The following PRKN variants were observed in gnomAD, a reference collection of about 807,000 sequenced individuals.
The protein encoded by PRKN is E3 ubiquitin-protein ligase parkin.
A neutral mutation model predicts 59.5 loss-of-function variants in PRKN; 56 were observed. That is an observed-to-expected ratio of 0.94 (90% CI 0.76 to 1.18). The LOEUF (loss-of-function observed/expected upper bound fraction) is 1.18. PRKN is among the 50% of genes most tolerant of loss of function. The pLI, the probability that PRKN is intolerant of heterozygous loss-of-function variation, is 0.00. For missense variants in PRKN, 657 were observed against 596.4 expected, an observed-to-expected ratio of 1.10 and a Z score of -1.06; for synonymous variants, 250 against 222.1, an observed-to-expected ratio of 1.13 and a Z score of -1.12.
chr6:162,360,266 C>A (rs926562119), intron 2 of PRKN, among the ~76,000 whole-genome samples: 1 of 152,092 alleles, frequency 6.6e-6, no homozygotes, highest in Non-Finnish European at 1.5e-5. Context: ...GTTATTTAAT[C>A]CATGGCACTC....
chr6:162,390,828 G>C (rs1327642342), intron 2 of PRKN, among the ~76,000 whole-genome samples: 1 of 152,068 alleles, frequency 6.6e-6, no homozygotes, highest in Non-Finnish European at 1.5e-5. Context: ...TTTTAGGGTA[G>C]AGATGGTACA....
At chr6:161,408,067 A>G (rs192181937) in intron 9 of PRKN, among the ~76,000 whole-genome samples, 2 of 152,270 alleles carry the variant, frequency 1.3e-5, no homozygotes, top group African/African-American at 4.8e-5. Flanking sequence ...GTCTCTTCAC[A>G]TGGACAGGCT....
rs1241262827 is a variant in PRKN at position 161,357,000 on chromosome 6, C to T, written c.1285+3088G>A. Among the ~76,000 whole-genome samples the T allele has an allele frequency of 2.7e-5, 4 of 150,140 alleles. No individual in the cohort carries two copies. The highest frequency in any genetic ancestry group is 5.9e-5 in the Non-Finnish European group (4 of 67,844). Reference sequence around the variant, plus strand: ...CAGTAAGTGCTGAACCAAACAACCACGGAGGAGAGAAACAGAAAGCAACAG... The same window carrying T: ...CAGTAAGTGCTGAACCAAACAACCATGGAGGAGAGAAACAGAAAGCAACAG... On this transcript the variant is annotated intron_variant, in intron 11 of 11. Coordinates refer to ENST00000366898, the MANE Select transcript of PRKN (RefSeq NM_004562.3). The surrounding 1 kb of genome is among the most constrained non-coding windows in gnomAD (Gnocchi z 7.8).
At chr6:162,218,520 G>T (rs190880182) in intron 3 of PRKN, among the ~76,000 whole-genome samples, 25 of 152,282 alleles carry the variant, frequency 1.6e-4, no homozygotes, top group African/African-American at 6.0e-4. Flanking sequence ...CCTATCTGGG[G>T]TTGGGGATTG....
chr6:162,209,386 A>T (rs552695531), intron 3 of PRKN, among the ~76,000 whole-genome samples: 7 of 152,304 alleles, frequency 4.6e-5, no homozygotes, highest in African/African-American at 1.2e-4. Flanking sequence ...GAGAAATGTA[A>T]ATCAAAACCA....
chr6:162,268,192 T>C (rs977803619), intron 2 of PRKN, among the ~76,000 whole-genome samples: 1 of 152,226 alleles, frequency 6.6e-6, no homozygotes, highest in South Asian at 2.1e-4. Flanking sequence ...CCATCTGCTA[T>C]GTCTCAATGT....
At chr6:161,854,607 A>G (rs1793570434) in intron 6 of PRKN, among the ~76,000 whole-genome samples, 1 of 152,174 alleles carries the variant, frequency 6.6e-6, no homozygotes, top group Non-Finnish European at 1.5e-5. Flanking sequence ...ATATACCTAC[A>G]TCTAATGTAG....
At chr6:162,614,700 T>C (rs1782330636) in intron 1 of PRKN, among the ~76,000 whole-genome samples, 2 of 152,172 alleles carry the variant, frequency 1.3e-5, no homozygotes, top group African/African-American at 2.4e-5. Flanking sequence ...CTATGAAGTT[T>C]TGAATCTACA....
At chr6:162,098,818 T>C (rs1228309307) in intron 4 of PRKN, among the ~76,000 whole-genome samples, 1 of 152,214 alleles carries the variant, frequency 6.6e-6, no homozygotes, top group Admixed American at 6.5e-5. Context: ...TGAAAAGGAC[T>C]TAGCCTTGCA....
intron 1 of PRKN, among the ~76,000 whole-genome samples, chr6:162,712,004 T>G (rs1346896816): frequency 6.6e-6 from 1 of 152,202 alleles, no homozygotes; most frequent in Non-Finnish European, 1.5e-5. Context: ...ATACTGCAGG[T>G]TGGCTTCATC....
At chr6:161,740,926 C>T (rs941842582) in intron 7 of PRKN, among the ~76,000 whole-genome samples, 2 of 152,226 alleles carry the variant, frequency 1.3e-5, no homozygotes, top group Non-Finnish European at 2.9e-5. Context: ...ACAAAATTGT[C>T]TCACTCCCTG....
chr6:162,096,689 G>A lies in PRKN; in HGVS notation c.535-42515C>T, dbSNP rs140109535. Among the ~76,000 whole-genome samples the A allele has an allele frequency of 1.6e-3, 247 of 152,018 alleles. 2 individuals carry two copies. The highest frequency in any genetic ancestry group is 5.5e-3 in the African/African-American group (228 of 41,444). On this transcript the variant is annotated intron_variant, in intron 4 of 11. Transcript: ENST00000366898. ...TGGTTCTCATTCTCTTTTGCCTGCC[G>A]CCATGTAAGATGTGCCTTTGCCTTT...
intron 7 of PRKN, among the ~76,000 whole-genome samples, chr6:161,779,435 C>CTTTCCTTTTTTTTT (rs1234367519): frequency 1.7e-4 from 7 of 40,426 alleles, no homozygotes; most frequent in Non-Finnish European, 2.5e-4. Flanking sequence ...TTTTTCTTTT[C>CTTTCCTTTTTTTTT]TTTTCTTTTT....
chr6:161,435,941 AG>A (rs1478519578), intron 9 of PRKN, among the ~76,000 whole-genome samples: 2 of 2,172 alleles, frequency 9.2e-4, no homozygotes, highest in South Asian at 0.013. Flanking sequence ...GACAGAGAGC[AG>A]GGGGGTGGGA....
At chr6:161,932,536 A>G (rs1025499048) in intron 6 of PRKN, among the ~76,000 whole-genome samples, 2 of 152,168 alleles carry the variant, frequency 1.3e-5, no homozygotes, top group Admixed American at 6.6e-5. Flanking sequence ...TTAAGTTTGT[A>G]TACTTTTATT....
At position 161,360,971 on chromosome 6, in the gene PRKN, A is replaced by G. The variant is rs1049277491; in HGVS notation, c.1168-766T>C. On this transcript the variant is annotated intron_variant, in intron 10 of 11. Coordinates refer to ENST00000366898, the MANE Select transcript of PRKN (RefSeq NM_004562.3). This position sits in a 1 kb window ranked among gnomAD's most constrained non-coding sequence, Gnocchi z 5.1. Reference sequence around the variant, plus strand: ...GAGTTAATTTCTTCAAAGACTCAGAATGACTCCAGTGTGGCAAGCTTTTAA... The same window carrying G: ...GAGTTAATTTCTTCAAAGACTCAGAGTGACTCCAGTGTGGCAAGCTTTTAA... Among the ~76,000 whole-genome samples, 2 of 152,166 alleles carry G rather than the reference A, an allele frequency of 1.3e-5. No homozygotes were observed. The highest frequency in any genetic ancestry group is 2.9e-5 in the Non-Finnish European group (2 of 68,018).
intron 9 of PRKN, among the ~76,000 whole-genome samples, chr6:161,541,735 C>T (rs866153459): frequency 6.6e-6 from 1 of 151,798 alleles, no homozygotes; most frequent in African/African-American, 2.4e-5. Flanking sequence ...GCAGGAGAAT[C>T]GTTTGAACCT....
chr6:161,769,218 T>A (rs2128201599), intron 7 of PRKN, among the ~76,000 whole-genome samples: 1 of 152,320 alleles, frequency 6.6e-6, no homozygotes, highest in South Asian at 2.1e-4. Flanking sequence ...AGGTTTCCCG[T>A]GTGAGTCACG....
chr6:162,622,253 A>G (rs564494441), intron 1 of PRKN, among the ~76,000 whole-genome samples: 8 of 150,968 alleles, frequency 5.3e-5, no homozygotes, highest in Admixed American at 1.3e-4. Flanking sequence ...TTCCTTTTTC[A>G]TAACAGCCTT....
Sources: gnomAD v4.1 joint callset for allele counts (sites outside exome capture counted in the v4.1 genomes callset) on GRCh38, gnomAD v4.1.1 for gene constraint, Gnocchi (gnomAD v3.1) non-coding constraint, MANE v1.5 for transcripts, NCBI Gene and HGNC (gene_info 2026-07-23, HGNC 2026-07-21) for gene names.